The following COL14A1 variants were observed in gnomAD, a reference collection of about 807,000 sequenced individuals.
The protein encoded by COL14A1 is collagen type XIV alpha 1 chain, also known as collagen alpha-1(XIV) chain.
A neutral mutation model predicts 230.3 loss-of-function variants in COL14A1; 136 were observed. The observed-to-expected ratio is 0.59, with a 90% CI of 0.51 to 0.68. The LOEUF is 0.68. Among genes scored for constraint, COL14A1 ranks in the 30% least tolerant of loss-of-function variants. COL14A1 has a pLI of 0.00. For missense variants in COL14A1, 1,976 were observed against 2,215.8 expected, an observed-to-expected ratio of 0.89 and a Z score of 2.17; for synonymous variants, 792 against 784.1, an observed-to-expected ratio of 1.01 and a Z score of -0.17.
At position 120,127,916 on chromosome 8, in the gene COL14A1, A is replaced by G. The variant is rs1814396413; in HGVS notation, c.-38+2576A>G. On this transcript the variant is annotated intron_variant, in intron 1 of 47. Transcript: ENST00000297848. ...CTGTTTGAGCACCACTGAGTTAACA[A>G]ATTATCTGGGATTATGATAGTCCAT... Among the ~76,000 whole-genome samples, 4 of 152,158 alleles carry G rather than the reference A, an allele frequency of 2.6e-5. No individual in the cohort carries two copies. The South Asian group carries it at 8.3e-4, about 31-fold the overall frequency.
chr8:120,340,033 G>A (rs1269833916), intron 42 of COL14A1, among the ~76,000 whole-genome samples: 4 of 119,540 alleles, frequency 3.3e-5, no homozygotes, highest in African/African-American at 1.1e-4. Flanking sequence ...GGGAGACTGC[G>A]TCTCAAAAAA....
intron 19 of COL14A1, among the ~76,000 whole-genome samples, chr8:120,242,689 C>T (rs192882012): frequency 1.3e-3 from 201 of 152,322 alleles, no homozygotes; most frequent in Middle Eastern, 3.4e-3. Context: ...GTCCACACAT[C>T]AATTCAGACC....
intron 7 of COL14A1, 35 bp downstream of exon 7, chr8:120,197,965 T>C: frequency 6.2e-7 from 1 of 1,602,824 alleles, no homozygotes; most frequent in Non-Finnish European, 8.5e-7. Context: ...TAACAACATA[T>C]CTTTTTGAAG....
At chr8:120,294,467 T>G (rs192357266) in intron 34 of COL14A1, among the ~76,000 whole-genome samples, 54 of 150,652 alleles carry the variant, frequency 3.6e-4, no homozygotes, top group African/African-American at 1.3e-3. Flanking sequence ...GATGTATCTT[T>G]TATAATTTTC....
chr8:120,192,607 G>A (rs888969739), intron 5 of COL14A1, among the ~76,000 whole-genome samples: 2 of 152,266 alleles, frequency 1.3e-5, no homozygotes, highest in South Asian at 4.1e-4. Context: ...TGCTAGATTG[G>A]TGAAGTTCTC....
chr8:120,306,130 T>C (rs1166884462), intron 36 of COL14A1, among the ~76,000 whole-genome samples: 1 of 152,220 alleles, frequency 6.6e-6, no homozygotes, highest in Admixed American at 6.5e-5. Flanking sequence ...ACATGTATAC[T>C]ATAGTTTTTT....
At chr8:120,150,103 G>T (rs187984859) in intron 2 of COL14A1, among the ~76,000 whole-genome samples, 1 of 152,270 alleles carries the variant, frequency 6.6e-6, no homozygotes, top group Non-Finnish European at 1.5e-5. Flanking sequence ...CTTCAACCAG[G>T]TTACTGTGTA....
intron 36 of COL14A1, among the ~76,000 whole-genome samples, chr8:120,308,509 G>T (rs1385544819): frequency 2.0e-5 from 3 of 152,116 alleles, no homozygotes; most frequent in Non-Finnish European, 4.4e-5. Context: ...AACATACACA[G>T]CAAATAATAC....
At chr8:120,172,887 A>G (rs1354747698) in intron 5 of COL14A1, among the ~76,000 whole-genome samples, 1 of 152,190 alleles carries the variant, frequency 6.6e-6, no homozygotes, top group Non-Finnish European at 1.5e-5. Context: ...TTACAGCTTA[A>G]TGTCTTGATT....
intron 14 of COL14A1, among the ~76,000 whole-genome samples, chr8:120,218,190 T>C (rs1817821769): frequency 7.3e-6 from 1 of 137,320 alleles, no homozygotes; most frequent in Non-Finnish European, 1.5e-5. Flanking sequence ...TATATAAGTA[T>C]ATATCTATAT....
At chr8:120,182,536 A>G (rs1341568407) in intron 5 of COL14A1, among the ~76,000 whole-genome samples, 1 of 152,140 alleles carries the variant, frequency 6.6e-6, no homozygotes, top group Non-Finnish European at 1.5e-5. Context: ...AGTATTATAT[A>G]CACAGAGCTG....
chr8:120,342,343 G>A (rs1216904400), intron 43 of COL14A1, 37 bp from the exon 44 acceptor site: 1 of 1,605,068 alleles, frequency 6.2e-7, no homozygotes, highest in Middle Eastern at 1.7e-4. Context: ...GGCTGGGCTT[G>A]TAGCTGAGTC....
chr8:120,288,820 C>A (rs1023454857), intron 33 of COL14A1, among the ~76,000 whole-genome samples: 1 of 152,126 alleles, frequency 6.6e-6, no homozygotes. Context: ...GCTCATCAGT[C>A]TGCCAAAAAC....
chr8:120,130,769 C>G (rs1814501047), intron 1 of COL14A1, among the ~76,000 whole-genome samples: 2 of 152,122 alleles, frequency 1.3e-5, no homozygotes, highest in Non-Finnish European at 2.9e-5. Flanking sequence ...AGGTTTATGA[C>G]ATAGGTATAT....
intron 44 of COL14A1, among the ~76,000 whole-genome samples, chr8:120,344,201 C>T (rs1822416971): frequency 6.6e-6 from 1 of 152,186 alleles, no homozygotes; most frequent in Non-Finnish European, 1.5e-5. Context: ...ATAAGCCAGG[C>T]CCAGCCTACT....
At position 120,341,306 on chromosome 8, in the gene COL14A1, CA is replaced by C; in HGVS notation, c.4786-17del. On this transcript the variant is annotated intron_variant, in intron 42 of 47. Transcript: ENST00000297848. The stretch of plus-strand genomic sequence containing the variant: ...AAGTGCAATATCATAAGTAACTTGA[CA>C]ATTTTCCATTTATACAGGGTGTCCC... 1 of 1,613,844 alleles carries C rather than the reference CA, an allele frequency of 6.2e-7. No individual in the cohort carries two copies. Among genetic ancestry groups the C allele is most frequent in the Non-Finnish European group, 8.5e-7 (1 of 1,179,748 alleles).
chr8:120,154,641 C>T (rs1406322377), intron 2 of COL14A1, among the ~76,000 whole-genome samples: 1 of 152,050 alleles, frequency 6.6e-6, no homozygotes, highest in Non-Finnish European at 1.5e-5. Context: ...CTGTTGGTTT[C>T]CTCTGGGCTC....
intron 22 of COL14A1, among the ~76,000 whole-genome samples, chr8:120,253,540 A>G: frequency 6.6e-6 from 1 of 152,338 alleles, no homozygotes; most frequent in East Asian, 1.9e-4. Context: ...CCCAAGCAAA[A>G]GAAAATCTCC....
intron 1 of COL14A1, among the ~76,000 whole-genome samples, chr8:120,144,036 T>C (rs1815006557): frequency 6.6e-6 from 1 of 152,138 alleles, no homozygotes; most frequent in African/African-American, 2.4e-5. Context: ...TGATGTGTTT[T>C]TATTGTTGCC....
Sources: gnomAD v4.1 joint callset for allele counts (sites outside exome capture counted in the v4.1 genomes callset) on GRCh38, gnomAD v4.1.1 for gene constraint, MANE v1.5 for transcripts, NCBI Gene and HGNC (gene_info 2026-07-23, HGNC 2026-07-21) for gene names.